KCNK2: variants seen among roughly 807,000 people sequenced by gnomAD.
KCNK2 encodes the protein potassium channel subfamily K member 2.
A neutral mutation model predicts 40.5 loss-of-function variants in KCNK2; 21 were observed. The observed-to-expected ratio is 0.52, with a 90% CI of 0.37 to 0.75. KCNK2 has a LOEUF of 0.75. Among genes scored for constraint, KCNK2 ranks in the 30% least tolerant of loss-of-function variants. The pLI, the probability that KCNK2 is intolerant of heterozygous loss-of-function variation, is 0.00. For missense variants in KCNK2, 399 were observed against 531.6 expected, an observed-to-expected ratio of 0.75 and a Z score of 2.45; for synonymous variants, 191 against 202.2, an observed-to-expected ratio of 0.94 and a Z score of 0.47.
intron 6 of KCNK2, among the ~76,000 whole-genome samples, chr1:215,220,808 A>G (rs1666139679): frequency 8.6e-6 from 1 of 116,572 alleles, no homozygotes; most frequent in Admixed American, 8.1e-5. Flanking sequence ...ATATTATGGC[A>G]AATGACTTAA....
At chr1:215,068,431 G>C (rs913031736) in intron 1 of KCNK2, among the ~76,000 whole-genome samples, 2 of 152,150 alleles carry the variant, frequency 1.3e-5, no homozygotes. Flanking sequence ...AGGTTGGCAA[G>C]GCATTCTGGA....
At chr1:215,151,760 G>GT (rs1366504016) in intron 3 of KCNK2, among the ~76,000 whole-genome samples, 1 of 151,850 alleles carries the variant, frequency 6.6e-6, no homozygotes, top group Non-Finnish European at 1.5e-5. Flanking sequence ...TGCTGTTGAG[G>GT]TTTTTTTGTT....
At chr1:215,230,072 T>C (rs1253626622) in intron 6 of KCNK2, among the ~76,000 whole-genome samples, 1 of 127,516 alleles carries the variant, frequency 7.8e-6, no homozygotes, top group African/African-American at 3.1e-5. Context: ...TATATAGATA[T>C]ATATATCTGT....
chr1:215,119,027 C>T (rs1162968823), intron 2 of KCNK2, among the ~76,000 whole-genome samples: 1 of 152,038 alleles, frequency 6.6e-6, no homozygotes, highest in Non-Finnish European at 1.5e-5. Flanking sequence ...ACTTCTGGTG[C>T]CATTTGTGTT....
chr1:215,171,032 T>C (rs932850025), intron 4 of KCNK2, among the ~76,000 whole-genome samples: 10 of 152,172 alleles, frequency 6.6e-5, no homozygotes, highest in African/African-American at 2.2e-4. Flanking sequence ...GGAATGTCTA[T>C]GTACCCTTTC....
At chr1:215,017,979 T>C (rs1457978710) in intron 1 of KCNK2, among the ~76,000 whole-genome samples, 1 of 152,136 alleles carries the variant, frequency 6.6e-6, no homozygotes, top group Non-Finnish European at 1.5e-5. Context: ...AAGTATTCAA[T>C]TGGAGATGCA....
In KCNK2 at chr1:215,172,220, A is replaced by T; in HGVS notation, c.823+37A>T. On this transcript the variant is annotated intron_variant, in intron 5 of 6. Transcript: ENST00000444842. ...CTGGCATCCATGTTACTCTTCTAAC[A>T]GGGGTTTATTAGATAGATTTTTCAC... The T allele has an allele frequency of 1.9e-6, 3 of 1,553,156 alleles. No homozygotes were observed. In the South Asian group the frequency reaches 3.5e-5, roughly 18 times the overall value.
chr1:215,208,695 A>G (rs1205084342), intron 6 of KCNK2, among the ~76,000 whole-genome samples: 2 of 152,136 alleles, frequency 1.3e-5, no homozygotes, highest in Non-Finnish European at 2.9e-5. Flanking sequence ...TTATTGGGAT[A>G]TCTTACTATA....
intron 2 of KCNK2, among the ~76,000 whole-genome samples, chr1:215,098,763 T>C (rs1660084281): frequency 6.6e-6 from 1 of 152,018 alleles, no homozygotes; most frequent in African/African-American, 2.4e-5. Context: ...CTTCTTTTTA[T>C]GACAACTTAC....
intron 2 of KCNK2, among the ~76,000 whole-genome samples, chr1:215,102,189 AT>A (rs1419547859): frequency 2.0e-5 from 3 of 151,954 alleles, no homozygotes; most frequent in Non-Finnish European, 2.9e-5. Flanking sequence ...ATCATAGGAG[AT>A]GACAAGCATC....
At chr1:215,091,052 T>C (rs1558086272) in intron 2 of KCNK2, among the ~76,000 whole-genome samples, 1 of 152,118 alleles carries the variant, frequency 6.6e-6, no homozygotes, top group Admixed American at 6.5e-5. Context: ...GCTATTAACA[T>C]AGGTACAATA....
intron 2 of KCNK2, among the ~76,000 whole-genome samples, chr1:215,112,984 C>G (rs1025529631): frequency 2.0e-5 from 3 of 152,006 alleles, no homozygotes; most frequent in Non-Finnish European, 4.4e-5. Context: ...CAGTAGATGA[C>G]TATACTGTAT....
At chr1:215,115,267 A>G (rs1045996015) in intron 2 of KCNK2, among the ~76,000 whole-genome samples, 3 of 152,096 alleles carry the variant, frequency 2.0e-5, no homozygotes, top group Non-Finnish European at 2.9e-5. Context: ...TCCATTATGG[A>G]ACTATAGGCT....
intron 1 of KCNK2, among the ~76,000 whole-genome samples, chr1:215,050,627 T>A (rs78811917): frequency 0.01 from 1,547 of 152,272 alleles, 25 homozygotes; most frequent in South Asian, 0.074. Flanking sequence ...AAAAAAATAG[T>A]GCAGATTGAA....
chr1:215,083,517 T>A, intron 1 of KCNK2, 86 bp downstream of exon 1: 1 of 974,198 alleles, frequency 1.0e-6, no homozygotes, highest in Non-Finnish European at 1.7e-6. Context: ...AAATGCCCCC[T>A]CTCAGCAAGC....
chr1:215,071,022 G>A (rs1171432667), intron 1 of KCNK2, among the ~76,000 whole-genome samples: 2 of 152,144 alleles, frequency 1.3e-5, no homozygotes, highest in Non-Finnish European at 2.9e-5. Context: ...TCTACTATAT[G>A]AAGAAACAGA....
At chr1:215,143,947 A>C (rs1192012052) in intron 3 of KCNK2, among the ~76,000 whole-genome samples, 2 of 152,162 alleles carry the variant, frequency 1.3e-5, no homozygotes, top group Non-Finnish European at 2.9e-5. Flanking sequence ...ACTGTCTACA[A>C]GTAATTTGCA....
chr1:215,151,270 C>T (rs955111436), intron 3 of KCNK2, among the ~76,000 whole-genome samples: 1 of 152,006 alleles, frequency 6.6e-6, no homozygotes. Context: ...CAGTTGAAGG[C>T]CCTTCCAATC....
At chr1:215,208,706 T>C (rs561364318) in intron 6 of KCNK2, among the ~76,000 whole-genome samples, 53 of 152,124 alleles carry the variant, frequency 3.5e-4, no homozygotes, top group Non-Finnish European at 6.3e-4. Context: ...TCTTACTATA[T>C]AAAGAAATCC....
Sources: allele counts gnomAD v4.1 joint callset (sites outside exome capture counted in the v4.1 genomes callset), GRCh38; gene constraint gnomAD v4.1.1; transcripts MANE v1.5; gene names NCBI Gene and HGNC (gene_info 2026-07-23, HGNC 2026-07-21).